The following SLC36A3 variants were observed in gnomAD, a reference collection of about 807,000 sequenced individuals.
The protein encoded by SLC36A3 is solute carrier family 36 member 3, also known as proton-coupled amino acid transporter 3.
Under a neutral mutation model 44.3 loss-of-function variants are expected in SLC36A3, and 35 were observed. The observed-to-expected ratio is 0.79, with a 90% confidence interval of 0.60 to 1.05. The LOEUF (loss-of-function observed/expected upper bound fraction) is 1.05. SLC36A3 is among the 50% of genes least tolerant of loss of function. The pLI, the probability that SLC36A3 is intolerant of heterozygous loss-of-function variation, is 0.00. For missense variants in SLC36A3, 540 were observed against 578.7 expected (o/e 0.93, Z 0.69); for synonymous variants, 211 against 227.6 (o/e 0.93, Z 0.66).
chr5:151,302,094 C>G (rs962897992), intron 1 of SLC36A3, among the ~76,000 whole-genome samples: 1 of 152,234 alleles, frequency 6.6e-6, no homozygotes, highest in African/African-American at 2.4e-5. Flanking sequence ...TCCAAATTCT[C>G]TTCCCCAGAG....
intron 8 of SLC36A3, among the ~76,000 whole-genome samples, chr5:151,283,238 T>A (rs1193990812): frequency 3.3e-5 from 5 of 152,250 alleles, no homozygotes; most frequent in African/African-American, 1.2e-4. Flanking sequence ...CATTTTTTTT[T>A]ATTTGCCTGT....
chr5:151,278,494 T>C (rs1469685), intron 9 of SLC36A3, among the ~76,000 whole-genome samples: 62,629 of 152,014 alleles, frequency 0.41, 13,563 homozygotes, highest in South Asian at 0.51. Flanking sequence ...ACTATGTGTA[T>C]GTAGTTTGGG....
In SLC36A3 at chr5:151,277,401, G is replaced by A. The variant is rs1309127621; in HGVS notation, c.1405C>T (p.His469Tyr). 6.2e-7 allele frequency: 1 copy of A among 1,614,104 alleles called. No individual in the cohort carries two copies. Among genetic ancestry groups the A allele is most frequent in the Admixed American group, 1.7e-5 (1 of 60,028 alleles). The change falls in exon 10 of 10, where the codon CAT becomes TAT. Residue 469 changes from histidine (H) to tyrosine (Y), a missense_variant. By Grantham distance (83) the His-to-Tyr change is moderately conservative. Transcript: ENST00000335230. Reference sequence around the variant, plus strand: ...AGAATAAAAACAGATAATTATGCATGGACACCTGTGGAGTTGGCCATGGAA... The same window carrying A: ...AGAATAAAAACAGATAATTATGCATAGACACCTGTGGAGTTGGCCATGGAA... Reference protein sequence around the residue: ...SHSMANSTGVHA With the variant: ...SHSMANSTGVYA
intron 2 of SLC36A3, chr5:151,297,766 C>T (rs1454800263): frequency 1.3e-5 from 2 of 152,156 alleles, no homozygotes; most frequent in African/African-American, 4.8e-5. Context: ...AGTTTGAGAC[C>T]TGCCTGGCCA....
At chr5:151,293,587 G>A in intron 3 of SLC36A3, 128 bp from the exon 4 acceptor site, 3 of 737,264 alleles carry the variant, frequency 4.1e-6, no homozygotes. Flanking sequence ...TTCTCCCAGT[G>A]ATCTACTTTA....
chr5:151,299,736 G>A (rs1755108029), intron 1 of SLC36A3, among the ~76,000 whole-genome samples: 1 of 152,184 alleles, frequency 6.6e-6, no homozygotes, highest in African/African-American at 2.4e-5. Flanking sequence ...TACTACTTTG[G>A]GAAGCCATTA....
At chr5:151,283,994 G>T (rs370385444) in intron 8 of SLC36A3, 50 bp downstream of exon 8, 2 of 1,556,612 alleles carry the variant, frequency 1.3e-6, no homozygotes, top group African/African-American at 2.7e-5. Flanking sequence ...ATGACAACCA[G>T]AACAGTTCCA....
intron 7 of SLC36A3, 38 bp from the exon 8 acceptor site, chr5:151,284,248 A>G: frequency 6.3e-7 from 1 of 1,575,444 alleles, no homozygotes; most frequent in African/African-American, 1.4e-5. Context: ...GAAAAGGTAG[A>G]AAGAGATGTG....
In SLC36A3 at chr5:151,296,284, G is replaced by A; in HGVS notation, c.220-16C>T. 1 of 1,610,452 alleles carries A rather than the reference G, an allele frequency of 6.2e-7. No individual in the cohort carries two copies. Among genetic ancestry groups the A allele is most frequent in the South Asian group, 1.1e-5 (1 of 90,920 alleles). ...CAGGACCGACCTGGAGGGGAGAGGA[G>A]AAAGGGGGAAGTGAGCCAGAAATGA... On this transcript the variant is annotated splice_polypyrimidine_tract_variant and intron_variant, in intron 2 of 9. Coordinates refer to ENST00000335230, the MANE Select transcript of SLC36A3 (RefSeq NM_181774.4).
In SLC36A3 at chr5:151,303,433, A is replaced by T. The variant is rs1755233573; in HGVS notation, c.-79T>A. On this transcript the variant is annotated 5_prime_UTR_variant, in exon 1 of 10. Transcript: ENST00000335230. Reference sequence around the variant, plus strand: ...CTCTGATGGGTCTTTCTCCAGAGAAACCATGGCTGCTGACCTGAGATGCTG... The same window carrying T: ...CTCTGATGGGTCTTTCTCCAGAGAATCCATGGCTGCTGACCTGAGATGCTG... 6.7e-7 allele frequency: 1 copy of T among 1,482,746 alleles called. No homozygotes were observed. Among genetic ancestry groups the T allele is most frequent in the African/African-American group, 1.4e-5 (1 of 71,540 alleles). The allele number at this position is 1,482,746 out of a possible 1,614,324, so 91.8% of individuals were successfully genotyped here. A position where few individuals can be genotyped will look rare whatever the true frequency, so the allele number is the denominator to read the frequency against.
intron 1 of SLC36A3, among the ~76,000 whole-genome samples, chr5:151,299,264 C>CTCTCTCTATATATATATATATA (rs1372309288): frequency 2.2e-4 from 13 of 59,638 alleles, no homozygotes; most frequent in South Asian, 7.7e-4. Flanking sequence ...CTCTCTCTCT[C>CTCTCTCTATATATATATATATA]TATATATATA....
At chr5:151,289,188 A>T (rs902757737) in intron 4 of SLC36A3, 8 of 152,460 alleles carry the variant, frequency 5.2e-5, no homozygotes, top group Non-Finnish European at 7.3e-5. Flanking sequence ...TTTCTATTTT[A>T]TACATATATA....
Position 151,303,356 on chromosome 5 carries a change from T to G in SLC36A3, c.-2A>C, listed in dbSNP as rs1755231403. Reference sequence around the variant, plus strand: ...GTAGTCCCTTCCAAGCAATGACATCTTCAACACGGTGGGTAGGTGGCAGAG... The same window carrying G: ...GTAGTCCCTTCCAAGCAATGACATCGTCAACACGGTGGGTAGGTGGCAGAG... On this transcript the variant is annotated 5_prime_UTR_variant, in exon 1 of 10. Transcript: ENST00000335230. The G allele has an allele frequency of 1.2e-6, 2 of 1,612,518 alleles. No homozygotes were observed. The highest frequency in any genetic ancestry group is 1.7e-6 in the Non-Finnish European group (2 of 1,178,964).
In SLC36A3 at chr5:151,299,260, CTCTCTA is replaced by C. The variant is rs1453841179; in HGVS notation, c.129-583_129-578del. Among the ~76,000 whole-genome samples the C allele has an allele frequency of 6.5e-3, 428 of 65,400 alleles. 1 individual carries two copies. Among genetic ancestry groups the C allele is most frequent in the Middle Eastern group, 0.015 (2 of 130 alleles). The allele number at this position is 65,400 out of a possible 152,430, so 42.9% of individuals were successfully genotyped here. ...TCTCTCTCTCTCTCTCTCTCTCTCT[CTCTCTA>C]TATATATATATATATATATATATAT... On this transcript the variant is annotated intron_variant, in intron 1 of 9. Coordinates refer to ENST00000335230, the MANE Select transcript of SLC36A3 (RefSeq NM_181774.4).
At chr5:151,300,424 G>C (rs1755131377) in intron 1 of SLC36A3, among the ~76,000 whole-genome samples, 1 of 152,070 alleles carries the variant, frequency 6.6e-6, no homozygotes, top group African/African-American at 2.4e-5. Flanking sequence ...AGGATGGGGG[G>C]GTGGGCACCC....
intron 3 of SLC36A3, among the ~76,000 whole-genome samples, chr5:151,294,655 T>A (rs1754895538): frequency 6.6e-6 from 1 of 150,390 alleles, no homozygotes; most frequent in Admixed American, 6.6e-5. Context: ...TGAGACAGAG[T>A]TTTCACTCTA....
chr5:151,293,509 GTACAGT>G, intron 3 of SLC36A3, 50 bp from the exon 4 acceptor site: 1 of 1,476,742 alleles, frequency 6.8e-7, no homozygotes, highest in Non-Finnish European at 9.3e-7. Flanking sequence ...TTTGTTAAAG[GTACAGT>G]TTTCTCCCAA....
chr5:151,278,559 A>G (rs1242249679), intron 9 of SLC36A3, among the ~76,000 whole-genome samples: 1 of 152,226 alleles, frequency 6.6e-6, no homozygotes, highest in Non-Finnish European at 1.5e-5. Flanking sequence ...AAATCAGTGT[A>G]CTTGGGATAT....
intron 5 of SLC36A3, 69 bp from the exon 6 acceptor site, chr5:151,287,533 T>A: frequency 6.9e-7 from 1 of 1,441,132 alleles, no homozygotes; most frequent in Admixed American, 1.9e-5. Context: ...TACATTTGAA[T>A]TTCAGGTAAT....
Sources: allele counts gnomAD v4.1 joint callset (sites outside exome capture counted in the v4.1 genomes callset), GRCh38; gene constraint gnomAD v4.1.1; transcripts MANE v1.5; gene names NCBI Gene and HGNC (gene_info 2026-07-23, HGNC 2026-07-21).